Variants in NOS1 observed in about 807,000 individuals in gnomAD.
NOS1 encodes the protein NOS type I.
Under a neutral mutation model 164.5 loss-of-function variants are expected in NOS1, and 51 were observed. That is an observed-to-expected ratio of 0.31 (90% confidence interval 0.25 to 0.39). NOS1 has a LOEUF of 0.39. NOS1 is among the 10% of genes least tolerant of loss of function. The probability of loss-of-function intolerance (pLI) is 1.00; values close to 1 mark genes in which losing one functional copy is unlikely to be tolerated. For missense variants in NOS1, 1,362 were observed against 1,885.6 expected (o/e 0.72, Z 5.14); for synonymous variants, 719 against 745.8 (o/e 0.96, Z 0.59).
At position 117,211,998 on chromosome 12, in the gene NOS1, A is replaced by G; in HGVS notation, c.*3311T>C. 21 of 731,080 alleles carry G rather than the reference A, an allele frequency of 2.9e-5. No individual in the cohort carries two copies. The highest frequency in any genetic ancestry group is 3.5e-5 in the Non-Finnish European group (21 of 597,640). The allele number at this position is 731,080 out of a possible 1,614,324, so 45.3% of individuals were successfully genotyped here. ...AAGAATCACTTGAACTGGGGGAGGC[A>G]GAGGATGCAGTGAGCTGAGATCGTA... On this transcript the variant is annotated 3_prime_UTR_variant, in exon 29 of 29. Coordinates refer to ENST00000317775, the MANE Select transcript of NOS1 (RefSeq NM_000620.5).
chr12:117,280,444 T>C (rs1452369248), intron 8 of NOS1, among the ~76,000 whole-genome samples: 3 of 152,194 alleles, frequency 2.0e-5, no homozygotes, highest in Non-Finnish European at 4.4e-5. Flanking sequence ...CAGTCTTGAG[T>C]AACTCACTTG....
chr12:117,327,935 A>G (rs1875336973), intron 2 of NOS1, among the ~76,000 whole-genome samples: 1 of 152,082 alleles, frequency 6.6e-6, no homozygotes, highest in Non-Finnish European at 1.5e-5. Flanking sequence ...ATTTTTGTCC[A>G]GGTGTGAGAA....
rs77967226 is a variant in NOS1 at position 117,286,155 on chromosome 12, G to A, written c.1239C>T (p.Ala413=). Residue 413 remains alanine (A), a synonymous_variant, in exon 6 of 29, where the codon GCC becomes GCT. Transcript: ENST00000317775. ...DTELIYGAKH[A]WRNASRCVGR... is the part of the protein sequence containing the mutation. Reference sequence around the variant, plus strand: ...CCACACAGCGCGAGGCATTCCGCCAGGCGTGCTTGGCCCCATAGATGAGCT... The same window carrying A: ...CCACACAGCGCGAGGCATTCCGCCAAGCGTGCTTGGCCCCATAGATGAGCT... The A allele has an allele frequency of 3.1e-6, 5 of 1,614,226 alleles. No individual in the cohort carries two copies. Among genetic ancestry groups the A allele is most frequent in the Non-Finnish European group, 4.2e-6 (5 of 1,180,038 alleles).
intron 16 of NOS1, among the ~76,000 whole-genome samples, chr12:117,257,622 T>A (rs866080232): frequency 7.6e-6 from 1 of 130,864 alleles, no homozygotes; most frequent in East Asian, 2.1e-4. Context: ...TTTTTTTTTT[T>A]TTTTTTTTTT....
At chr12:117,300,641 G>A (rs1483664402) in intron 3 of NOS1, among the ~76,000 whole-genome samples, 3 of 152,074 alleles carry the variant, frequency 2.0e-5, no homozygotes, top group African/African-American at 7.2e-5. Context: ...GCTGGTTTGA[G>A]GGCACCCTGG....
At chr12:117,311,397 G>C (rs1229071820) in intron 3 of NOS1, 69 bp downstream of exon 3, 1 of 1,500,642 alleles carries the variant, frequency 6.7e-7, no homozygotes, top group South Asian at 1.3e-5. Flanking sequence ...CCTCCCCTCA[G>C]CTTCCCACCT....
Position 117,259,073 on chromosome 12 carries a change from C to T in NOS1, c.2425G>A (p.Val809Met). Residue 809 changes from valine to methionine, a missense_variant, in exon 15 of 29, where the codon GTG (valine) becomes ATG (methionine). Coordinates refer to ENST00000317775, the MANE Select transcript of NOS1 (RefSeq NM_000620.5). ...VHLEHETLVL[V>M]VTSTFGNGDP... Reference sequence around the variant, plus strand: ...CCATTGCCAAAGGTGCTGGTGACCACAAGGACCAGAGTTTCATGTTCCAGG... The same window carrying T: ...CCATTGCCAAAGGTGCTGGTGACCATAAGGACCAGAGTTTCATGTTCCAGG... The T allele has an allele frequency of 6.2e-7, 1 of 1,614,160 alleles. No homozygotes were observed. Among genetic ancestry groups the T allele is most frequent in the Non-Finnish European group, 8.5e-7 (1 of 1,180,020 alleles).
At chr12:117,345,503 C>G (rs1217965635) in intron 1 of NOS1, among the ~76,000 whole-genome samples, 2 of 152,258 alleles carry the variant, frequency 1.3e-5, no homozygotes, top group Admixed American at 6.5e-5. Context: ...ACAAGGCTAA[C>G]AGATTCTAGT....
Position 117,208,189 on chromosome 12 carries a change from A to G in NOS1, c.*7120T>C. On this transcript the variant is annotated 3_prime_UTR_variant, in exon 29 of 29. Coordinates refer to ENST00000317775, the MANE Select transcript of NOS1 (RefSeq NM_000620.5). ...TAACCATAATGCAAACAAGCATAAT[A>G]GGCTTTTGTTGAATCCCATAAAATT... The G allele has an allele frequency of 1.0e-6, 1 of 991,350 alleles. No individual in the cohort carries two copies. The highest frequency in any genetic ancestry group is 2.9e-5 in the Admixed American group (1 of 34,340). The allele number at this position is 991,350 out of a possible 1,614,324, so 61.4% of individuals were successfully genotyped here.
intron 3 of NOS1, among the ~76,000 whole-genome samples, chr12:117,296,527 C>A (rs1194343492): frequency 6.6e-6 from 1 of 152,200 alleles, no homozygotes; most frequent in Non-Finnish European, 1.5e-5. Flanking sequence ...ATGCTTCCTG[C>A]GCTTGAACAT....
At position 117,259,946 on chromosome 12, in the gene NOS1, C is replaced by T. The variant is rs58734298; in HGVS notation, c.2367+519G>A. Among the ~76,000 whole-genome samples the T allele has an allele frequency of 2.4e-3, 365 of 151,936 alleles. 1 individual carries two copies. Among genetic ancestry groups the T allele is most frequent in the African/African-American group, 8.2e-3 (341 of 41,426 alleles). On this transcript the variant is annotated intron_variant, in intron 14 of 28. Coordinates refer to ENST00000317775, the MANE Select transcript of NOS1 (RefSeq NM_000620.5). ...CATCCTGGCTAACACAGTGAAGCCC[C>T]GTCTCTACTAAAAACACAAAAAATT...
intron 2 of NOS1, among the ~76,000 whole-genome samples, chr12:117,313,046 C>T (rs1362973838): frequency 1.3e-5 from 2 of 152,094 alleles, no homozygotes; most frequent in Admixed American, 6.6e-5. Flanking sequence ...TCACCCTCAT[C>T]GTTATCATCC....
rs539479437 is a variant in NOS1, at chr12:117,223,896, C to A, written c.3827-1033G>T. ...CTCGAACTCCTGACCTCAAGTGATC[C>A]ACCTGCCTCAGCCTTCCAAAGTGCT... On this transcript the variant is annotated intron_variant, in intron 25 of 28. Coordinates refer to ENST00000317775, the MANE Select transcript of NOS1 (RefSeq NM_000620.5). 5.3e-5 allele frequency among the ~76,000 whole-genome samples: 8 copies of A among 152,296 alleles called. No individual in the cohort carries two copies. In the East Asian group the frequency reaches 1.2e-3, roughly 22 times the overall value.
intron 20 of NOS1, among the ~76,000 whole-genome samples, chr12:117,240,493 A>G (rs138892871): frequency 6.6e-6 from 1 of 152,318 alleles, no homozygotes; most frequent in Non-Finnish European, 1.5e-5. Context: ...CAGCCTTGCA[A>G]TGCTGGTGAG....
Position 117,311,496 on chromosome 12 carries a change from G to A in NOS1, c.822C>T (p.Val274=). 6.2e-7 allele frequency: 1 copy of A among 1,611,792 alleles called. No individual in the cohort carries two copies. ...CCTTCTCTGAATATGGGTTGTTGAG[G>A]ACGACAGGCACATTGCCCTTCCCCC... is the stretch of plus-strand genomic sequence containing the variant. The part of the protein sequence containing the change: ...DLWGKGNVPV[V]LNNPYSEKEQ... The change falls in exon 3 of 29, where the codon GTC becomes GTT. Residue 274 remains valine (V), a synonymous_variant. Transcript: ENST00000317775.
intron 1 of NOS1, among the ~76,000 whole-genome samples, chr12:117,336,217 G>A (rs907982454): frequency 7.2e-5 from 11 of 152,144 alleles, no homozygotes; most frequent in Non-Finnish European, 1.6e-4. Flanking sequence ...TTTTATAGAT[G>A]AGAAAACAAA....
intron 3 of NOS1, among the ~76,000 whole-genome samples, chr12:117,300,828 C>T (rs1873769096): frequency 6.6e-6 from 1 of 152,202 alleles, no homozygotes; most frequent in South Asian, 2.1e-4. Flanking sequence ...AAATTAATCT[C>T]AAAATGCAAG....
chr12:117,360,622 G>C (rs1477133187), intron 1 of NOS1, among the ~76,000 whole-genome samples: 1 of 152,196 alleles, frequency 6.6e-6, no homozygotes, highest in East Asian at 1.9e-4. Flanking sequence ...CGCAAAGTTG[G>C]AGGCCAGGCC....
chr12:117,314,178 T>A (rs544393085), intron 2 of NOS1, among the ~76,000 whole-genome samples: 2 of 152,324 alleles, frequency 1.3e-5, no homozygotes, highest in East Asian at 3.9e-4. Context: ...TTTGCATTCA[T>A]CAGAGGGAAC....
Sources: gnomAD v4.1 joint callset for allele counts (sites outside exome capture counted in the v4.1 genomes callset) on GRCh38, gnomAD v4.1.1 for gene constraint, MANE v1.5 for transcripts, NCBI Gene and HGNC (gene_info 2026-07-23, HGNC 2026-07-21) for gene names.